Variants in PRDM2 observed in about 807,000 individuals in gnomAD.
PRDM2 encodes PR/SET domain 2.
In PRDM2, 30 loss-of-function variants were observed where a neutral mutation model predicts 130.0. The observed-to-expected ratio is 0.23, with a 90% CI of 0.17 to 0.31. PRDM2 has a LOEUF of 0.31. Ranked by LOEUF, PRDM2 falls within the 10% of genes least tolerant of loss-of-function variation. The pLI, the probability that PRDM2 is intolerant of heterozygous loss-of-function variation, is 1.00. For missense variants in PRDM2, 2,011 were observed against 2,108.4 expected (o/e 0.95, Z 0.90); for synonymous variants, 871 against 782.4 (o/e 1.11, Z -1.89).
intron 6 of PRDM2, among the ~76,000 whole-genome samples, chr1:13,769,472 T>G (rs576794360): frequency 7.2e-5 from 11 of 152,304 alleles, no homozygotes; most frequent in African/African-American, 2.6e-4. Context: ...ATAGGCTAAT[T>G]ACTTCCCCTC....
intron 6 of PRDM2, among the ~76,000 whole-genome samples, chr1:13,766,163 C>A (rs994410522): frequency 6.6e-6 from 1 of 152,138 alleles, no homozygotes; most frequent in Non-Finnish European, 1.5e-5. Context: ...CAACATCTAC[C>A]CTGTTCCCTA....
intron 9 of PRDM2, among the ~76,000 whole-genome samples, chr1:13,818,988 A>G (rs1394958089): frequency 6.6e-6 from 1 of 152,304 alleles, no homozygotes; most frequent in East Asian, 1.9e-4. Flanking sequence ...GAGAAGAGAC[A>G]TAGGACGTGG....
chr1:13,742,947 T>C (rs1277547823), intron 5 of PRDM2, among the ~76,000 whole-genome samples: 1 of 148,420 alleles, frequency 6.7e-6, no homozygotes, highest in East Asian at 1.9e-4. Context: ...TTTGGAGATA[T>C]TAATTGTTGA....
At chr1:13,746,621 A>G (rs760649583) in intron 5 of PRDM2, among the ~76,000 whole-genome samples, 3 of 151,844 alleles carry the variant, frequency 2.0e-5, no homozygotes, top group Admixed American at 6.6e-5. Flanking sequence ...CAGTGACACA[A>G]TCTTGGCTCA....
intron 1 of PRDM2, among the ~76,000 whole-genome samples, chr1:13,702,955 C>CCTGA (rs1165348503): frequency 6.6e-6 from 1 of 152,180 alleles, no homozygotes; most frequent in Non-Finnish European, 1.5e-5. Flanking sequence ...AGGGACATCA[C>CCTGA]CTGACTGTCC....
At chr1:13,823,041 A>G (rs751816745) in intron 9 of PRDM2, 118 bp from the exon 10 acceptor site, 1 of 989,262 alleles carries the variant, frequency 1.0e-6, no homozygotes. Context: ...TGCTCTATGT[A>G]TGGTATGTTT....
At chr1:13,802,107 A>G (rs927621119) in intron 8 of PRDM2, among the ~76,000 whole-genome samples, 1 of 152,224 alleles carries the variant, frequency 6.6e-6, no homozygotes, top group Non-Finnish European at 1.5e-5. Flanking sequence ...GCACAAGAGC[A>G]GACTTTACTA....
At chr1:13,785,031 A>T (rs1231923917) in intron 8 of PRDM2, among the ~76,000 whole-genome samples, 1 of 152,224 alleles carries the variant, frequency 6.6e-6, no homozygotes, top group Non-Finnish European at 1.5e-5. Context: ...AGTACTTTGT[A>T]GTGAGTTTAG....
At chr1:13,702,961 T>G (rs1642112004) in intron 1 of PRDM2, among the ~76,000 whole-genome samples, 1 of 152,200 alleles carries the variant, frequency 6.6e-6, no homozygotes, top group Non-Finnish European at 1.5e-5. Flanking sequence ...ATCACCTGAC[T>G]GTCCTTACCA....
At chr1:13,789,721 A>C (rs1644807938) in intron 8 of PRDM2, among the ~76,000 whole-genome samples, 1 of 152,234 alleles carries the variant, frequency 6.6e-6, no homozygotes, top group Admixed American at 6.5e-5. Flanking sequence ...GAATCCATAA[A>C]AAAAATCATA....
intron 8 of PRDM2, among the ~76,000 whole-genome samples, chr1:13,790,365 C>T (rs1644819983): frequency 1.3e-5 from 2 of 152,118 alleles, no homozygotes; most frequent in South Asian, 4.1e-4. Flanking sequence ...GGCCGTGCAT[C>T]TGGCGTTGGG....
chr1:13,754,730 G>A (rs1171091108), intron 6 of PRDM2, among the ~76,000 whole-genome samples: 1 of 152,238 alleles, frequency 6.6e-6, no homozygotes, highest in Non-Finnish European at 1.5e-5. Flanking sequence ...GAGGATGATG[G>A]TAGATGGGCC....
chr1:13,776,808 C>T (rs75884570), intron 7 of PRDM2, among the ~76,000 whole-genome samples: 2 of 152,128 alleles, frequency 1.3e-5, no homozygotes, highest in African/African-American at 2.4e-5. Flanking sequence ...ACTGGCCTTT[C>T]CCCCAGCCTC....
At chr1:13,768,797 T>C (rs576757861) in intron 6 of PRDM2, among the ~76,000 whole-genome samples, 1 of 152,326 alleles carries the variant, frequency 6.6e-6, no homozygotes, top group African/African-American at 2.4e-5. Context: ...GCGTTGGGAC[T>C]TTGGGGGCTT....
rs969287754 is a variant in PRDM2 at position 13,774,846 on chromosome 1, G to A, written c.622+1658G>A. On this transcript the variant is annotated intron_variant, in intron 7 of 9. Transcript: ENST00000311066. ...AAAAAAATTAGCCAGGCGTGGTGGT[G>A]GGCGCCTGTAGTCCGGGAGGCTGAG... Among the ~76,000 whole-genome samples, 7 of 152,214 alleles carry A rather than the reference G, an allele frequency of 4.6e-5. No individual in the cohort carries two copies. In the South Asian group the frequency reaches 6.2e-4, roughly 14 times the overall value.
intron 3 of PRDM2, 57 bp downstream of exon 3, chr1:13,731,174 G>A: frequency 7.1e-7 from 1 of 1,404,256 alleles, no homozygotes; most frequent in Non-Finnish European, 1.0e-6. Context: ...GTGGCAGTGA[G>A]GCTTCCTGCA....
chr1:13,778,440 G>C lies in PRDM2; in HGVS notation c.645G>C (p.Lys215Asn), dbSNP rs746581391. 1 of 1,607,520 alleles carries C rather than the reference G, an allele frequency of 6.2e-7. No individual in the cohort carries two copies. Among genetic ancestry groups the C allele is most frequent in the East Asian group, 2.2e-5 (1 of 44,846 alleles). The change falls in exon 8 of 10, where the codon AAG becomes AAC. Residue 215 changes from lysine (K) to asparagine (N), a missense_variant. Lys to Asn is a moderately conservative substitution (Grantham distance 94). This residue lies in a region of PRDM2 where 1,288 missense variants were observed against 1,237.7 expected (regional missense o/e 1.04). Transcript: ENST00000311066. The part of the protein sequence containing the change: ...SAEGPKEDEE[K>N]PSASALEQPA... ...TAGGTCCTAAAGAAGACGAAGAGAA[G>C]CCTTCAGCCTCAGCACTTGAGCAGC...
chr1:13,758,918 G>A (rs1644029744), intron 6 of PRDM2, among the ~76,000 whole-genome samples: 1 of 152,170 alleles, frequency 6.6e-6, no homozygotes, highest in Non-Finnish European at 1.5e-5. Context: ...GATACTGTGT[G>A]TGTGGTATAT....
chr1:13,754,356 C>T (rs914935351), intron 6 of PRDM2, among the ~76,000 whole-genome samples: 1 of 152,166 alleles, frequency 6.6e-6, no homozygotes, highest in African/African-American at 2.4e-5. Flanking sequence ...TTCATGACAG[C>T]CACGCACAGG....
Sources: allele counts gnomAD v4.1 joint callset (sites outside exome capture counted in the v4.1 genomes callset), GRCh38; gene constraint gnomAD v4.1.1; regional missense constraint gnomAD v4.1.1; transcripts MANE v1.5; gene names NCBI Gene and HGNC (gene_info 2026-07-23, HGNC 2026-07-21).